The following PKHD1 variants were observed in gnomAD, a reference collection of about 807,000 sequenced individuals.
PKHD1 encodes the protein fibrocystin.
In PKHD1, 291 loss-of-function variants were observed where a neutral mutation model predicts 412.0. That is an observed-to-expected ratio of 0.71 (90% CI 0.64 to 0.78). PKHD1 has a LOEUF of 0.78. Among genes scored for constraint, PKHD1 ranks in the 30% least tolerant of loss-of-function variants. The pLI is 0.00. For synonymous variants in PKHD1, 1,777 were observed against 1,821.5 expected (o/e 0.98, Z 0.62); for missense variants, 4,825 against 4,950.7 (o/e 0.97, Z 0.76).
At chr6:52,006,353 T>TTTGTTG (rs34912833) in intron 35 of PKHD1, among the ~76,000 whole-genome samples, 4 of 139,312 alleles carry the variant, frequency 2.9e-5, no homozygotes, top group Admixed American at 7.7e-5. Context: ...TGGTTTGTTT[T>TTTGTTG]TTGTTGTTGT....
chr6:51,976,751 C>T (rs901674575), intron 35 of PKHD1, among the ~76,000 whole-genome samples: 8 of 151,982 alleles, frequency 5.3e-5, no homozygotes, highest in African/African-American at 1.9e-4. Flanking sequence ...GGATCGAGAC[C>T]ATCCTGGACA....
intron 43 of PKHD1, among the ~76,000 whole-genome samples, chr6:51,892,659 A>G (rs1779291994): frequency 6.6e-6 from 1 of 152,232 alleles, no homozygotes. Flanking sequence ...ATGGAAAGAC[A>G]AGCCTAAATA....
chr6:52,076,282 C>T lies in PKHD1; in HGVS notation c.442G>A (p.Val148Ile). The change falls in exon 6 of 67, where the codon GTT (valine) becomes ATT (isoleucine). Residue 148 changes from valine (V) to isoleucine (I), a missense_variant. By Grantham distance (29) the Val-to-Ile change is conservative. Coordinates refer to ENST00000371117, the MANE Select transcript of PKHD1 (RefSeq NM_138694.4). ...TTAATAGAAGATTTCTTACCTGGAA[C>T]ACCACTTGGTGGATAAACTTGGTGA... ...IVHQVYPPSG[V>I]PGKLIHVYGW... The T allele has an allele frequency of 6.2e-7, 1 of 1,608,340 alleles. No individual in the cohort carries two copies. The highest frequency in any genetic ancestry group is 8.5e-7 in the Non-Finnish European group (1 of 1,174,730).
At chr6:51,815,197 C>T (rs1253092332) in intron 52 of PKHD1, among the ~76,000 whole-genome samples, 2 of 152,200 alleles carry the variant, frequency 1.3e-5, no homozygotes. Flanking sequence ...TTTACTCTAG[C>T]ATTTGTTGTG....
chr6:51,869,679 G>A (rs1002315163), intron 47 of PKHD1, among the ~76,000 whole-genome samples: 14 of 151,948 alleles, frequency 9.2e-5, no homozygotes, highest in African/African-American at 1.7e-4. Flanking sequence ...GAGGAATTGC[G>A]ATTGCAAGCA....
intron 65 of PKHD1, among the ~76,000 whole-genome samples, chr6:51,632,160 T>C (rs1448042501): frequency 2.0e-5 from 3 of 152,038 alleles, no homozygotes; most frequent in African/African-American, 7.2e-5. Context: ...GCCAGGCTGG[T>C]CTCGAAATCC....
At chr6:52,083,431 A>G (rs1002947982) in intron 2 of PKHD1, among the ~76,000 whole-genome samples, 176 bp from the exon 3 acceptor site, 1 of 152,268 alleles carries the variant, frequency 6.6e-6, no homozygotes, top group Admixed American at 6.5e-5. Flanking sequence ...GGCAGGCCCA[A>G]GAATCTACAT....
At chr6:51,990,194 A>G (rs1333521089) in intron 35 of PKHD1, among the ~76,000 whole-genome samples, 1 of 151,886 alleles carries the variant, frequency 6.6e-6, no homozygotes, top group African/African-American at 2.4e-5. Flanking sequence ...ACACTCTATC[A>G]AAGATTTTTT....
chr6:51,699,607 G>A (rs976792165), intron 60 of PKHD1, among the ~76,000 whole-genome samples: 11 of 152,078 alleles, frequency 7.2e-5, no homozygotes, highest in South Asian at 4.1e-4. Context: ...CTGCCAGGGC[G>A]TATGTTAAGT....
chr6:51,749,071 C>G (rs1785657003), intron 57 of PKHD1, among the ~76,000 whole-genome samples: 1 of 152,158 alleles, frequency 6.6e-6, no homozygotes, highest in Non-Finnish European at 1.5e-5. Flanking sequence ...CTCAGTGACA[C>G]CACGTGAAAG....
intron 60 of PKHD1, among the ~76,000 whole-genome samples, chr6:51,690,271 CAAAAAAAAAA>C (rs70977310): frequency 9.1e-5 from 10 of 109,918 alleles, no homozygotes; most frequent in South Asian, 3.2e-4. Flanking sequence ...GACTCCATCT[CAAAAAAAAAA>C]AAAAAAAAAA....
At chr6:51,697,469 G>C (rs777976247) in intron 60 of PKHD1, among the ~76,000 whole-genome samples, 2 of 152,128 alleles carry the variant, frequency 1.3e-5, no homozygotes, top group Non-Finnish European at 2.9e-5. Flanking sequence ...TCAGAATGGG[G>C]GCTGTCAACC....
At chr6:51,762,221 C>G (rs1373570653) in intron 55 of PKHD1, among the ~76,000 whole-genome samples, 1 of 152,080 alleles carries the variant, frequency 6.6e-6, no homozygotes, top group African/African-American at 2.4e-5. Flanking sequence ...AAGTCAGGCT[C>G]TGTCCATGTC....
Position 52,054,036 on chromosome 6 carries a change from A to C in PKHD1, c.1964+2T>G, listed in dbSNP as rs1453646167. 6.2e-7 allele frequency: 1 copy of C among 1,613,428 alleles called. No homozygotes were observed. The highest frequency in any genetic ancestry group is 1.7e-5 in the Admixed American group (1 of 59,968). ...CACCACGCCTCCCCACCGATTAGCTACCTCTCGGGGCTGGTCCTCGTGAGA... is the reference window on the plus strand; with the variant it reads ...CACCACGCCTCCCCACCGATTAGCTCCCTCTCGGGGCTGGTCCTCGTGAGA... On this transcript the variant is annotated splice_donor_variant, in intron 20 of 66. Transcript: ENST00000371117. LOFTEE classifies it high-confidence loss of function.
chr6:51,753,330 C>T lies in PKHD1; in HGVS notation c.8821G>A (p.Gly2941Ser), dbSNP rs1427843169. ...TCAGCAGCCAAACGAATGTGTCGGC[C>T]ATCCTCCGTGACATGTACACTTCCT... Reference protein sequence around the residue: ...HIGSVHVTEDGRHIRLAAEVG... With the variant: ...HIGSVHVTEDSRHIRLAAEVG... Residue 2941 changes from glycine to serine, a missense_variant, in exon 57 of 67, where the codon GGC becomes AGC. Gly to Ser is a moderately conservative substitution (Grantham distance 56). Coordinates refer to ENST00000371117, the MANE Select transcript of PKHD1 (RefSeq NM_138694.4). 1.2e-6 allele frequency: 2 copies of T among 1,613,784 alleles called. No homozygotes were observed. Among genetic ancestry groups the T allele is most frequent in the Admixed American group, 3.3e-5 (2 of 59,972 alleles).
At chr6:52,048,839 C>G (rs1806291162) in intron 22 of PKHD1, among the ~76,000 whole-genome samples, 1 of 152,168 alleles carries the variant, frequency 6.6e-6, no homozygotes, top group Admixed American at 6.5e-5. Context: ...AAAACGTTGG[C>G]ATTTAGAGCC....
At chr6:51,770,584 T>C (rs1472517641) in intron 55 of PKHD1, among the ~76,000 whole-genome samples, 1 of 151,920 alleles carries the variant, frequency 6.6e-6, no homozygotes, top group Admixed American at 6.6e-5. Flanking sequence ...TATTTCTGTT[T>C]GTTTTAAATA....
intron 43 of PKHD1, among the ~76,000 whole-genome samples, chr6:51,887,687 T>C (rs1018246135): frequency 6.6e-6 from 1 of 152,208 alleles, no homozygotes; most frequent in African/African-American, 2.4e-5. Context: ...CTTTGCCTTC[T>C]GCCGTGAGTA....
At chr6:51,799,673 C>T (rs1762616295) in intron 52 of PKHD1, among the ~76,000 whole-genome samples, 1 of 152,156 alleles carries the variant, frequency 6.6e-6, no homozygotes, top group Non-Finnish European at 1.5e-5. Context: ...CTAACGTACC[C>T]TCCAGAGCAG....
Sources: allele counts gnomAD v4.1 joint callset (sites outside exome capture counted in the v4.1 genomes callset), GRCh38; gene constraint gnomAD v4.1.1; transcripts MANE v1.5; gene names NCBI Gene and HGNC (gene_info 2026-07-23, HGNC 2026-07-21).